Variants in DLC1 observed in about 807,000 individuals in gnomAD.
The protein encoded by DLC1 is rho GTPase-activating protein 7.
A neutral mutation model predicts 140.3 loss-of-function variants in DLC1; 54 were observed. That is an observed-to-expected ratio of 0.38 (90% CI 0.31 to 0.48). The LOEUF is 0.48. DLC1 is among the 20% of genes least tolerant of loss of function. DLC1 has a pLI of 0.96. For synonymous variants in DLC1, 986 were observed against 728.1 expected, an observed-to-expected ratio of 1.35 and a Z score of -5.70; for missense variants, 2,536 against 1,907.0, an observed-to-expected ratio of 1.33 and a Z score of -6.14.
chr8:13,364,039 G>C (rs977914800), intron 4 of DLC1, among the ~76,000 whole-genome samples: 3 of 152,110 alleles, frequency 2.0e-5, no homozygotes, highest in Admixed American at 1.3e-4. Context: ...GTGTGTGTAT[G>C]TGTGTGTGTG....
At chr8:13,235,305 A>G (rs1170927241) in intron 5 of DLC1, among the ~76,000 whole-genome samples, 1 of 152,092 alleles carries the variant, frequency 6.6e-6, no homozygotes, top group Non-Finnish European at 1.5e-5. Context: ...TTATATTTAC[A>G]TAGTGAGATA....
chr8:13,390,186 A>T (rs1836688099), intron 4 of DLC1, among the ~76,000 whole-genome samples: 1 of 152,226 alleles, frequency 6.6e-6, no homozygotes, highest in African/African-American at 2.4e-5. Context: ...ACCTAAAAGA[A>T]TAACAACACC....
At chr8:13,353,149 C>T (rs181262166) in intron 4 of DLC1, among the ~76,000 whole-genome samples, 3 of 152,280 alleles carry the variant, frequency 2.0e-5, no homozygotes, top group South Asian at 2.1e-4. Flanking sequence ...CTCTTGTCTG[C>T]AAATGAGGCA....
At chr8:13,452,944 A>C (rs528369905) in intron 2 of DLC1, among the ~76,000 whole-genome samples, 2 of 152,242 alleles carry the variant, frequency 1.3e-5, no homozygotes, top group African/African-American at 4.8e-5. Context: ...ATTGTAATTA[A>C]ATAACAATAG....
chr8:13,202,009 G>T (rs899054571), intron 5 of DLC1, among the ~76,000 whole-genome samples: 1 of 148,486 alleles, frequency 6.7e-6, no homozygotes, highest in East Asian at 2.0e-4. Context: ...GCAGTGGTGC[G>T]ATCTCGGCTC....
At chr8:13,173,649 C>G (rs1203341989) in intron 5 of DLC1, among the ~76,000 whole-genome samples, 1 of 152,188 alleles carries the variant, frequency 6.6e-6, no homozygotes, top group Admixed American at 6.5e-5. Context: ...AGATTACAGG[C>G]TTGAGCCACC....
At chr8:13,104,659 A>G (rs1471140630) in intron 7 of DLC1, among the ~76,000 whole-genome samples, 1 of 152,220 alleles carries the variant, frequency 6.6e-6, no homozygotes, top group African/African-American at 2.4e-5. Context: ...TCAGGGCTTT[A>G]TCTTCCTGAT....
In DLC1 at chr8:13,534,973, G is replaced by A. The variant is rs550323172; in HGVS notation, c.-125-34777C>T. ...TGACTCTCACTCACCTTTCTGCTGAGGTATAGGAGAATCCTTATCTCTCGC... is the reference window on the plus strand; with the variant it reads ...TGACTCTCACTCACCTTTCTGCTGAAGTATAGGAGAATCCTTATCTCTCGC... On this transcript the variant is annotated intron_variant, in intron 1 of 1. Coordinates refer to the DLC1 transcript ENST00000631382. Among the ~76,000 whole-genome samples the A allele has an allele frequency of 1.5e-3, 233 of 152,150 alleles. 1 individual carries two copies. The highest frequency in any genetic ancestry group is 0.01 in the Middle Eastern group (3 of 294).
At chr8:13,276,995 A>C (rs1831199142) in intron 5 of DLC1, 2 of 152,342 alleles carry the variant, frequency 1.3e-5, no homozygotes, top group Admixed American at 6.5e-5. Flanking sequence ...TGGAAGGAGC[A>C]CTTTACAGAT....
chr8:13,085,270 C>T lies in DLC1; in HGVS notation c.*541G>A, dbSNP rs1015216666. On this transcript the variant is annotated 3_prime_UTR_variant, in exon 18 of 18. Coordinates refer to ENST00000276297, the MANE Select transcript of DLC1 (RefSeq NM_182643.3). ...AAACTGAACCTGATGCATCAATCTC[C>T]TTCTTGGAGGTGTCTCAGTGTGCCA... is the stretch of plus-strand genomic sequence containing the variant. The T allele has an allele frequency of 6.5e-6, 1 of 152,726 alleles. No individual in the cohort carries two copies. The highest frequency in any genetic ancestry group is 2.4e-5 in the African/African-American group (1 of 41,452). 9.5% of individuals were successfully genotyped at this position (152,726 alleles called of 1,614,324 possible). A position where few individuals can be genotyped will look rare whatever the true frequency, so the allele number is the denominator to read the frequency against.
At chr8:13,504,496 A>G (rs117805636) in intron 1 of DLC1, among the ~76,000 whole-genome samples, 3,496 of 152,300 alleles carry the variant, frequency 0.023, 61 homozygotes, top group Non-Finnish European at 0.034. Flanking sequence ...CAAATGATTC[A>G]AGTCTTCCGA....
intron 1 of DLC1, among the ~76,000 whole-genome samples, chr8:13,538,264 T>G (rs577334133): frequency 6.6e-6 from 1 of 152,064 alleles, no homozygotes; most frequent in Non-Finnish European, 1.5e-5. Flanking sequence ...ATATTGAGTG[T>G]GGCTCAAGCA....
chr8:13,138,258 G>T (rs1822714308), intron 5 of DLC1, among the ~76,000 whole-genome samples: 1 of 152,150 alleles, frequency 6.6e-6, no homozygotes, highest in South Asian at 2.1e-4. Flanking sequence ...CATCATTAGG[G>T]CTTAGTGGCT....
At chr8:13,152,642 A>C (rs1295145110) in intron 5 of DLC1, among the ~76,000 whole-genome samples, 1 of 151,800 alleles carries the variant, frequency 6.6e-6, no homozygotes, top group African/African-American at 2.4e-5. Flanking sequence ...TACCAATAAT[A>C]ATAATAATAA....
intron 5 of DLC1, among the ~76,000 whole-genome samples, chr8:13,191,396 A>G (rs1826745393): frequency 6.6e-6 from 1 of 152,194 alleles, no homozygotes; most frequent in Admixed American, 6.5e-5. Context: ...AATCCTAGCT[A>G]CTTGGGAGGC....
intron 5 of DLC1, among the ~76,000 whole-genome samples, chr8:13,169,540 T>C (rs1387523137): frequency 1.3e-5 from 2 of 152,088 alleles, no homozygotes; most frequent in Non-Finnish European, 2.9e-5. Context: ...ATTGGTCAAG[T>C]GAGGGGGTAC....
At chr8:13,240,238 C>CA (rs1829481339) in intron 5 of DLC1, among the ~76,000 whole-genome samples, 1 of 152,016 alleles carries the variant, frequency 6.6e-6, no homozygotes, top group Admixed American at 6.6e-5. Flanking sequence ...CTCTAAACCA[C>CA]AGAAAAAGCT....
chr8:13,388,277 T>C (rs191167735), intron 4 of DLC1, among the ~76,000 whole-genome samples: 1 of 152,130 alleles, frequency 6.6e-6, no homozygotes, highest in East Asian at 1.9e-4. Context: ...ACTTTTTCAG[T>C]GGCAATAATG....
intron 1 of DLC1, among the ~76,000 whole-genome samples, chr8:13,553,429 G>A (rs1222975304): frequency 6.6e-6 from 1 of 150,448 alleles, no homozygotes; most frequent in African/African-American, 2.4e-5. Flanking sequence ...CCAGCATAAT[G>A]TTTTTTTCTT....
Sources: allele counts gnomAD v4.1 joint callset (sites outside exome capture counted in the v4.1 genomes callset), GRCh38; gene constraint gnomAD v4.1.1; transcripts MANE v1.5; gene names NCBI Gene and HGNC (gene_info 2026-07-23, HGNC 2026-07-21).